Variants in NOVA1 observed in about 807,000 individuals in gnomAD.
NOVA1 encodes the protein NOVA alternative splicing regulator 1, also known as RNA-binding protein Nova-1.
In NOVA1, 7 loss-of-function variants were observed where a neutral mutation model predicts 38.0. The observed-to-expected ratio is 0.18, with a 90% CI of 0.10 to 0.35. The LOEUF is 0.35. NOVA1 is among the 10% of genes least tolerant of loss of function. The pLI, the probability that NOVA1 is intolerant of heterozygous loss-of-function variation, is 1.00. For missense variants in NOVA1, 460 were observed against 616.0 expected, an observed-to-expected ratio of 0.75 and a Z score of 2.68; for synonymous variants, 270 against 232.5, an observed-to-expected ratio of 1.16 and a Z score of -1.47.
chr14:26,509,396 T>C (rs1005438865), intron 2 of NOVA1, among the ~76,000 whole-genome samples: 2 of 152,080 alleles, frequency 1.3e-5, no homozygotes, highest in African/African-American at 4.8e-5. Context: ...AGTGAAAAGA[T>C]TGAAATACAT....
intron 3 of NOVA1, among the ~76,000 whole-genome samples, chr14:26,475,418 T>C (rs1437240115): frequency 1.3e-5 from 2 of 152,210 alleles, no homozygotes; most frequent in Non-Finnish European, 1.5e-5. Context: ...AAATATCCTT[T>C]AGTAAAATTT....
intron 2 of NOVA1, among the ~76,000 whole-genome samples, chr14:26,506,418 T>C (rs1268406315): frequency 1.3e-5 from 2 of 152,176 alleles, no homozygotes; most frequent in Non-Finnish European, 2.9e-5. Context: ...TTCAGGAAGC[T>C]CAAAATCTTT....
chr14:26,533,315 C>T (rs1037677970), intron 2 of NOVA1, among the ~76,000 whole-genome samples: 18 of 152,152 alleles, frequency 1.2e-4, no homozygotes, highest in African/African-American at 4.1e-4. Flanking sequence ...ATGCATTTTG[C>T]GGTAATGCAA....
intron 2 of NOVA1, among the ~76,000 whole-genome samples, chr14:26,518,488 A>T (rs1251861000): frequency 6.6e-6 from 1 of 152,072 alleles, no homozygotes; most frequent in Non-Finnish European, 1.5e-5. Context: ...TTCTTGCTTT[A>T]AAAAGTCTAA....
chr14:26,519,674 G>GT (rs901440406), intron 2 of NOVA1: 14 of 151,938 alleles, frequency 9.2e-5, no homozygotes, highest in Non-Finnish European at 1.8e-4. Flanking sequence ...ACTTTGAATT[G>GT]TTTTTTTGGT....
At chr14:26,580,389 A>T (rs1180279433) in intron 2 of NOVA1, among the ~76,000 whole-genome samples, 1 of 152,154 alleles carries the variant, frequency 6.6e-6, no homozygotes, top group Non-Finnish European at 1.5e-5. Context: ...ATAAATCCAT[A>T]TGTTTCACAT....
At chr14:26,582,165 T>C (rs1893266618) in intron 2 of NOVA1, among the ~76,000 whole-genome samples, 1 of 151,834 alleles carries the variant, frequency 6.6e-6, no homozygotes, top group African/African-American at 2.4e-5. Context: ...AGATAACTGT[T>C]AGTTGAAACA....
chr14:26,500,324 T>A (rs1264587197), intron 2 of NOVA1, among the ~76,000 whole-genome samples: 1 of 151,986 alleles, frequency 6.6e-6, no homozygotes, highest in African/African-American at 2.4e-5. Context: ...ACAGATTAAA[T>A]GAAAGAATAA....
intron 4 of NOVA1, among the ~76,000 whole-genome samples, chr14:26,463,422 G>A (rs1883861344): frequency 6.6e-6 from 1 of 152,142 alleles, no homozygotes; most frequent in Non-Finnish European, 1.5e-5. Context: ...GCAACTGTGT[G>A]ATGTTGATTC....
chr14:26,591,841 T>G (rs1405049074), intron 2 of NOVA1, among the ~76,000 whole-genome samples: 1 of 151,500 alleles, frequency 6.6e-6, no homozygotes, highest in Non-Finnish European at 1.5e-5. Context: ...ACCACCCAAT[T>G]TGGAAAGTAA....
At chr14:26,459,646 T>G (rs1164819103) in intron 4 of NOVA1, among the ~76,000 whole-genome samples, 2 of 152,128 alleles carry the variant, frequency 1.3e-5, no homozygotes, top group Non-Finnish European at 2.9e-5. Flanking sequence ...ATCATGCATT[T>G]AACCTGAATG....
Position 26,443,915 on chromosome 14 carries a change from G to A in NOVA1, c.*4044C>T, listed in dbSNP as rs1245948164. On this transcript the variant is annotated 3_prime_UTR_variant, in exon 5 of 5. Transcript: ENST00000539517. ...CTAACAGAGTAACTAGTCTCAAATA[G>A]TGCCTGTGATGTAAGGGGTATTAAA... is the stretch of plus-strand genomic sequence containing the variant. The A allele has an allele frequency of 6.6e-6, 1 of 151,976 alleles. No homozygotes were observed. The highest frequency in any genetic ancestry group is 1.5e-5 in the Non-Finnish European group (1 of 67,966). The allele number at this position is 151,976 out of a possible 1,614,324, so 9.4% of individuals were successfully genotyped here.
chr14:26,462,008 A>AT (rs1298570684), intron 4 of NOVA1, among the ~76,000 whole-genome samples: 1 of 152,110 alleles, frequency 6.6e-6, no homozygotes, highest in Non-Finnish European at 1.5e-5. Flanking sequence ...CTCTAAGAGA[A>AT]CCTCTAACTG....
chr14:26,531,155 A>T (rs1254563125), intron 2 of NOVA1, among the ~76,000 whole-genome samples: 1 of 152,192 alleles, frequency 6.6e-6, no homozygotes, highest in Non-Finnish European at 1.5e-5. Context: ...AAAAAAATCC[A>T]TCTACTCCTT....
At chr14:26,572,327 C>A (rs554311816) in intron 2 of NOVA1, among the ~76,000 whole-genome samples, 60 of 152,184 alleles carry the variant, frequency 3.9e-4, no homozygotes, top group African/African-American at 1.3e-3. Context: ...CCAATTTTTC[C>A]AGTTTGGATA....
chr14:26,495,573 G>A (rs1056672964), intron 2 of NOVA1, among the ~76,000 whole-genome samples: 1 of 147,304 alleles, frequency 6.8e-6, no homozygotes, highest in Non-Finnish European at 1.5e-5. Flanking sequence ...GTATACATGT[G>A]ACATGCTGGT....
intron 2 of NOVA1, among the ~76,000 whole-genome samples, chr14:26,489,806 A>C (rs951900179): frequency 3.9e-5 from 6 of 152,140 alleles, no homozygotes; most frequent in Admixed American, 1.3e-4. Context: ...ACTGCACTCC[A>C]GCCTGGGCAA....
intron 4 of NOVA1, among the ~76,000 whole-genome samples, chr14:26,453,472 A>G (rs1191833014): frequency 6.6e-6 from 1 of 152,098 alleles, no homozygotes; most frequent in Non-Finnish European, 1.5e-5. Context: ...TAACAATATA[A>G]TTATACTAAT....
At position 26,595,400 on chromosome 14, in the gene NOVA1, T is replaced by C. The variant is rs1293097907; in HGVS notation, c.280+10A>G. 3 of 1,612,854 alleles carry C rather than the reference T, an allele frequency of 1.9e-6. No homozygotes were observed. The highest frequency in any genetic ancestry group is 2.2e-5 in the South Asian group (2 of 90,884). On this transcript the variant is annotated intron_variant, in intron 2 of 4. Coordinates refer to ENST00000539517, the MANE Select transcript of NOVA1 (RefSeq NM_002515.3). ...AGCTCATCAAACAATCTCTTCACCA[T>C]TGCACCTACCTGGGTAAAAATCTTT...
Sources: gnomAD v4.1 joint callset for allele counts (sites outside exome capture counted in the v4.1 genomes callset) on GRCh38, gnomAD v4.1.1 for gene constraint, MANE v1.5 for transcripts, NCBI Gene and HGNC (gene_info 2026-07-23, HGNC 2026-07-21) for gene names.